The following GRID2 variants were observed in gnomAD, a reference collection of about 807,000 sequenced individuals.
GRID2 encodes the protein glutamate ionotropic receptor delta type subunit 2.
Under a neutral mutation model 114.8 loss-of-function variants are expected in GRID2, and 33 were observed. The observed-to-expected ratio is 0.29, with a 90% CI of 0.22 to 0.38. The LOEUF is 0.38. Among genes scored for constraint, GRID2 ranks in the 10% least tolerant of loss-of-function variants. GRID2 has a pLI of 1.00. For synonymous variants in GRID2, 505 were observed against 449.9 expected, an observed-to-expected ratio of 1.12 and a Z score of -1.55; for missense variants, 1,184 against 1,257.7, an observed-to-expected ratio of 0.94 and a Z score of 0.89.
At chr4:93,564,905 A>C in intron 13 of GRID2, among the ~76,000 whole-genome samples, 1 of 152,130 alleles carries the variant, frequency 6.6e-6, no homozygotes, top group Non-Finnish European at 1.5e-5. Context: ...ACCTGATAAT[A>C]GATTTTAGCA....
chr4:92,570,530 A>G (rs1560717795), intron 1 of GRID2, among the ~76,000 whole-genome samples: 1 of 152,102 alleles, frequency 6.6e-6, no homozygotes, highest in Non-Finnish European at 1.5e-5. Context: ...TATTGAATCT[A>G]TAAATTGCTT....
At chr4:92,441,760 G>T (rs1733100836) in intron 1 of GRID2, among the ~76,000 whole-genome samples, 1 of 152,040 alleles carries the variant, frequency 6.6e-6, no homozygotes, top group Non-Finnish European at 1.5e-5. Flanking sequence ...ATGGTAAGGG[G>T]TGCATGATCG....
intron 13 of GRID2, among the ~76,000 whole-genome samples, chr4:93,590,094 T>C (rs1738038800): frequency 6.7e-6 from 1 of 150,148 alleles, no homozygotes; most frequent in Non-Finnish European, 1.5e-5. Flanking sequence ...TTTGTTGTCA[T>C]TGCTTTTGGT....
chr4:92,919,225 A>G (rs796392406), intron 2 of GRID2, among the ~76,000 whole-genome samples: 2 of 151,904 alleles, frequency 1.3e-5, no homozygotes, highest in Non-Finnish European at 2.9e-5. Context: ...TATTGCATCT[A>G]TTTGATTCTT....
At chr4:93,718,909 AT>A (rs1729128383) in intron 14 of GRID2, among the ~76,000 whole-genome samples, 1 of 152,142 alleles carries the variant, frequency 6.6e-6, no homozygotes, top group African/African-American at 2.4e-5. Flanking sequence ...AACTCTTAAA[AT>A]TTCATAGAAG....
chr4:92,979,453 AATCTCAGGTCG>A (rs1399367294), intron 2 of GRID2, among the ~76,000 whole-genome samples: 1 of 152,054 alleles, frequency 6.6e-6, no homozygotes, highest in East Asian at 1.9e-4. Context: ...AGGCATGTAA[AATCTCAGGTCG>A]TTTTTCAGGC....
chr4:92,510,249 G>A (rs1579491581), intron 1 of GRID2, among the ~76,000 whole-genome samples: 1 of 151,950 alleles, frequency 6.6e-6, no homozygotes, highest in East Asian at 1.9e-4. Context: ...AAGCATATAA[G>A]GTTTTGGATC....
At chr4:92,439,289 G>T (rs1424934612) in intron 1 of GRID2, among the ~76,000 whole-genome samples, 4 of 152,052 alleles carry the variant, frequency 2.6e-5, no homozygotes, top group Non-Finnish European at 1.5e-5. Flanking sequence ...ATCAGTTAAG[G>T]TGGGGCAGGG....
At chr4:93,002,796 C>T (rs1721140998) in intron 2 of GRID2, among the ~76,000 whole-genome samples, 1 of 151,758 alleles carries the variant, frequency 6.6e-6, no homozygotes, top group Non-Finnish European at 1.5e-5. Context: ...TATTTTCTTA[C>T]ATTTCTGGAG....
chr4:92,799,632 T>C lies in GRID2; in HGVS notation c.244+209346T>C, dbSNP rs544286491. 2.6e-5 allele frequency among the ~76,000 whole-genome samples: 4 copies of C among 152,106 alleles called. No homozygotes were observed. In the East Asian group the frequency reaches 7.8e-4, roughly 30 times the overall value. On this transcript the variant is annotated intron_variant, in intron 2 of 15. Coordinates refer to ENST00000282020, the MANE Select transcript of GRID2 (RefSeq NM_001510.4). ...TCTTCTTAGAAGAACACCAATCAGA[T>C]TGTTTTGGGGCCTACCCTAACAGCT...
intron 4 of GRID2, among the ~76,000 whole-genome samples, chr4:93,126,646 G>C (rs1197480821): frequency 8.2e-6 from 1 of 121,608 alleles, no homozygotes; most frequent in African/African-American, 3.2e-5. Context: ...CACCCAGGCT[G>C]GAGTGCAGTG....
intron 2 of GRID2, among the ~76,000 whole-genome samples, chr4:92,739,022 GAAGA>G (rs1736738264): frequency 6.6e-6 from 1 of 151,982 alleles, no homozygotes; most frequent in African/African-American, 2.4e-5. Flanking sequence ...ATGATATTTT[GAAGA>G]AAAACAGGAA....
intron 2 of GRID2, among the ~76,000 whole-genome samples, chr4:92,911,863 G>A (rs910757105): frequency 1.7e-4 from 25 of 151,398 alleles, no homozygotes; most frequent in African/African-American, 5.6e-4. Context: ...ATCCCTTGTG[G>A]TATTAATTCT....
At chr4:93,240,369 C>A (rs1747347141) in intron 8 of GRID2, among the ~76,000 whole-genome samples, 1 of 151,366 alleles carries the variant, frequency 6.6e-6, no homozygotes, top group Non-Finnish European at 1.5e-5. Context: ...TTACATTTCC[C>A]TGATTATGAA....
intron 2 of GRID2, among the ~76,000 whole-genome samples, chr4:93,008,979 G>A (rs1721843829): frequency 2.0e-5 from 3 of 152,106 alleles, no homozygotes; most frequent in Middle Eastern, 3.4e-3. Context: ...GGCCCATAGA[G>A]AAATAAATTT....
intron 8 of GRID2, among the ~76,000 whole-genome samples, chr4:93,386,030 C>T (rs115754708): frequency 0.011 from 1,730 of 151,990 alleles, 30 homozygotes; most frequent in African/African-American, 0.04. Flanking sequence ...TGAAGCAAAA[C>T]AGAAGGGTTT....
chr4:92,381,637 C>G (rs551486034), intron 1 of GRID2, among the ~76,000 whole-genome samples: 1 of 151,928 alleles, frequency 6.6e-6, no homozygotes. Context: ...GTAAAAGTTT[C>G]TCTTTTCTAA....
At chr4:92,710,804 T>A (rs988970658) in intron 2 of GRID2, among the ~76,000 whole-genome samples, 1 of 152,072 alleles carries the variant, frequency 6.6e-6, no homozygotes, top group Non-Finnish European at 1.5e-5. Flanking sequence ...GGACATAATA[T>A]TTACTCTCAC....
chr4:92,743,513 A>C (rs1736998622), intron 2 of GRID2, among the ~76,000 whole-genome samples: 1 of 152,230 alleles, frequency 6.6e-6, no homozygotes, highest in African/African-American at 2.4e-5. Context: ...GAAGAGGACA[A>C]GAAATAGCTT....
Sources: gnomAD v4.1 joint callset for allele counts (sites outside exome capture counted in the v4.1 genomes callset) on GRCh38, gnomAD v4.1.1 for gene constraint, MANE v1.5 for transcripts, NCBI Gene and HGNC (gene_info 2026-07-23, HGNC 2026-07-21) for gene names.